The following ACSS3 variants were observed in gnomAD, a reference collection of about 807,000 sequenced individuals.
ACSS3 encodes acyl-CoA synthetase short chain family member 3.
Under a neutral mutation model 84.2 loss-of-function variants are expected in ACSS3, and 64 were observed. The observed-to-expected ratio is 0.76, with a 90% CI of 0.62 to 0.94. The LOEUF is 0.94. ACSS3 is among the 40% of genes least tolerant of loss of function. ACSS3 has a pLI of 0.00. For missense variants in ACSS3, 815 were observed against 867.6 expected, an observed-to-expected ratio of 0.94 and a Z score of 0.76; for synonymous variants, 317 against 310.1, an observed-to-expected ratio of 1.02 and a Z score of -0.23.
chr12:81,236,191 A>G (rs188687336), intron 13 of ACSS3, among the ~76,000 whole-genome samples: 4 of 151,600 alleles, frequency 2.6e-5, no homozygotes, highest in Admixed American at 6.6e-5. Context: ...AATTTTATCA[A>G]ATGCTTTTTC....
chr12:81,226,878 GT>G (rs959796059), intron 11 of ACSS3, among the ~76,000 whole-genome samples: 1 of 151,448 alleles, frequency 6.6e-6, no homozygotes, highest in Admixed American at 6.6e-5. Flanking sequence ...TACATCTTTT[GT>G]TTTTAAAACA....
chr12:81,150,349 T>C (rs1160285206), intron 5 of ACSS3, among the ~76,000 whole-genome samples: 1 of 152,238 alleles, frequency 6.6e-6, no homozygotes, highest in East Asian at 1.9e-4. Flanking sequence ...TTCTAGTCTG[T>C]AAAATGAATA....
intron 3 of ACSS3, 98 bp from the exon 4 acceptor site, chr12:81,139,033 C>T (rs1885950529): frequency 7.8e-7 from 1 of 1,281,452 alleles, no homozygotes; most frequent in African/African-American, 1.5e-5. Flanking sequence ...TCAGACATTT[C>T]TTTACAAATG....
intron 2 of ACSS3, chr12:81,125,820 A>G (rs1885052108): frequency 1.3e-5 from 2 of 152,188 alleles, no homozygotes; most frequent in South Asian, 2.1e-4. Flanking sequence ...AACGTGTCCA[A>G]TGTGAATGGC....
chr12:81,158,812 C>A (rs1887007875), intron 7 of ACSS3, among the ~76,000 whole-genome samples: 1 of 152,094 alleles, frequency 6.6e-6, no homozygotes, highest in South Asian at 2.1e-4. Context: ...GGTCTTTTAG[C>A]ACATTGCATT....
upstream of ACSS3, chr12:81,078,016 T>A: frequency 7.8e-7 from 1 of 1,289,064 alleles, no homozygotes. Flanking sequence ...GGCTCTGGGC[T>A]CACTTCGGAA....
chr12:81,201,447 T>C (rs1345813740), intron 9 of ACSS3, among the ~76,000 whole-genome samples: 1 of 152,236 alleles, frequency 6.6e-6, no homozygotes, highest in South Asian at 2.1e-4. Context: ...TCTTTTACTT[T>C]TTCTTATAGA....
chr12:81,213,695 G>C (rs112700246), intron 9 of ACSS3, among the ~76,000 whole-genome samples: 5,982 of 16,904 alleles, frequency 0.35, 1,147 homozygotes, highest in Non-Finnish European at 0.46. Flanking sequence ...CACCTCTGCT[G>C]CCCTCCTCTC....
chr12:81,139,613 T>C (rs918781474), intron 4 of ACSS3, among the ~76,000 whole-genome samples: 2 of 122,128 alleles, frequency 1.6e-5, no homozygotes, highest in Non-Finnish European at 3.5e-5. Context: ...TGAATATATA[T>C]ATATAAAATA....
intron 1 of ACSS3, 24 bp from the exon 2 acceptor site, chr12:81,109,536 C>A (rs1883389317): frequency 9.4e-6 from 15 of 1,597,878 alleles, no homozygotes; most frequent in African/African-American, 1.3e-5. Context: ...CATCATTCAC[C>A]TTTACTTTCC....
intron 13 of ACSS3, among the ~76,000 whole-genome samples, chr12:81,236,138 T>G (rs2033622999): frequency 6.6e-6 from 1 of 151,362 alleles, no homozygotes; most frequent in Admixed American, 6.6e-5. Flanking sequence ...TTTTTGTATT[T>G]CTAATTTGCT....
At position 81,253,672 on chromosome 12, in the gene ACSS3, T is replaced by C; in HGVS notation, c.1995+2T>C. On this transcript the variant is annotated splice_donor_variant, in intron 15 of 15. Coordinates refer to ENST00000548058, the MANE Select transcript of ACSS3 (RefSeq NM_024560.4). LOFTEE classifies it high-confidence loss of function. ...ATTGTCAATGGCAAGCCATACAAGGTAAATTATCAAAGATATTTATTCCTG... is the reference window on the plus strand; with the variant it reads ...ATTGTCAATGGCAAGCCATACAAGGCAAATTATCAAAGATATTTATTCCTG... 1 of 1,608,874 alleles carries C rather than the reference T, an allele frequency of 6.2e-7. No individual in the cohort carries two copies. Among genetic ancestry groups the C allele is most frequent in the Non-Finnish European group, 8.5e-7 (1 of 1,176,346 alleles).
intron 9 of ACSS3, among the ~76,000 whole-genome samples, chr12:81,214,651 A>G (rs1238510915): frequency 6.6e-6 from 1 of 152,192 alleles, no homozygotes; most frequent in Non-Finnish European, 1.5e-5. Flanking sequence ...ACGCTTCATT[A>G]ATCCTTTCTT....
intron 9 of ACSS3, among the ~76,000 whole-genome samples, chr12:81,200,463 A>G (rs1248242487): frequency 6.6e-6 from 1 of 152,222 alleles, no homozygotes; most frequent in African/African-American, 2.4e-5. Flanking sequence ...ATTAGCTCTG[A>G]TTGTAAAAAT....
At chr12:81,202,973 T>C (rs7961046) in intron 9 of ACSS3, among the ~76,000 whole-genome samples, 9,254 of 152,172 alleles carry the variant, frequency 0.061, 778 homozygotes, top group African/African-American at 0.19. Flanking sequence ...GACATGATTA[T>C]GGAGACTGAG....
At chr12:81,132,963 G>GT (rs1451307707) in intron 2 of ACSS3, among the ~76,000 whole-genome samples, 1 of 151,744 alleles carries the variant, frequency 6.6e-6, no homozygotes, top group Admixed American at 6.6e-5. Flanking sequence ...TTTTTGTCTT[G>GT]TTTTTTTGAG....
At chr12:81,178,118 G>A (rs938415037) in intron 8 of ACSS3, among the ~76,000 whole-genome samples, 3 of 151,586 alleles carry the variant, frequency 2.0e-5, no homozygotes, top group Admixed American at 6.6e-5. Flanking sequence ...TATACACCAT[G>A]GAATACTATG....
chr12:81,253,052 G>C (rs1226807252), intron 13 of ACSS3, among the ~76,000 whole-genome samples: 2 of 152,150 alleles, frequency 1.3e-5, no homozygotes, highest in Non-Finnish European at 2.9e-5. Flanking sequence ...GGTTAGCTGA[G>C]CAATTTATCT....
chr12:81,165,187 T>C (rs1045903520), intron 7 of ACSS3, among the ~76,000 whole-genome samples: 3 of 152,216 alleles, frequency 2.0e-5, no homozygotes, highest in Non-Finnish European at 4.4e-5. Flanking sequence ...ATGTTTTATG[T>C]TGGAGCTAGC....
Sources: allele counts gnomAD v4.1 joint callset (sites outside exome capture counted in the v4.1 genomes callset), GRCh38; gene constraint gnomAD v4.1.1; transcripts MANE v1.5; gene names NCBI Gene and HGNC (gene_info 2026-07-23, HGNC 2026-07-21).